Variants in SAV1 observed in about 807,000 individuals in gnomAD.
The protein encoded by SAV1 is salvador family WW domain containing protein 1.
In SAV1, 23 loss-of-function variants were observed where a neutral mutation model predicts 47.3. The ratio of observed to expected loss-of-function variants is 0.49; its 90% CI spans 0.35 to 0.69. SAV1 has a LOEUF of 0.69. Ranked by LOEUF, SAV1 falls within the 30% of genes least tolerant of loss-of-function variation. SAV1 has a pLI of 0.01. For missense variants in SAV1, 448 were observed against 457.4 expected, an observed-to-expected ratio of 0.98 and a Z score of 0.19; for synonymous variants, 155 against 159.2, an observed-to-expected ratio of 0.97 and a Z score of 0.20.
At chr14:50,642,687 T>C (rs1047282580) in intron 3 of SAV1, among the ~76,000 whole-genome samples, 1 of 151,752 alleles carries the variant, frequency 6.6e-6, no homozygotes, top group Non-Finnish European at 1.5e-5. Flanking sequence ...GAGAAAAAAA[T>C]GCATGTGTAT....
chr14:50,645,866 T>C (rs1171363062), intron 2 of SAV1, among the ~76,000 whole-genome samples: 1 of 152,158 alleles, frequency 6.6e-6, no homozygotes. Flanking sequence ...TTAATATTTA[T>C]ATATTAACAA....
At chr14:50,653,274 G>C (rs1359102580) in intron 2 of SAV1, among the ~76,000 whole-genome samples, 2 of 152,132 alleles carry the variant, frequency 1.3e-5, no homozygotes, top group Non-Finnish European at 2.9e-5. Context: ...AAAAATCCAT[G>C]AGTTCATGGT....
Position 50,662,159 on chromosome 14 carries a change from GTTATTTAT to G in SAV1, c.535+3012_535+3019del, listed in dbSNP as rs71443105. On this transcript the variant is annotated intron_variant, in intron 2 of 4. Transcript: ENST00000324679. ...TCTTTCATCAGTGTTTTGAAATCTT[GTTATTTAT>G]TTATTTATTTATTTATTTTGAGACG... Among the ~76,000 whole-genome samples, 1,345 of 150,554 alleles carry G rather than the reference GTTATTTAT, an allele frequency of 8.9e-3. 15 individuals are homozygous for G. Among genetic ancestry groups the G allele is most frequent in the African/African-American group, 0.031 (1,255 of 40,930 alleles).
Position 50,641,947 on chromosome 14 carries a change from C to T in SAV1, c.807-1054G>A, listed in dbSNP as rs917826453. ...AGCACTATTCACAATAGCAAAGATA[C>T]GGTATCAACCTAAATGCCCATCAAT... On this transcript the variant is annotated intron_variant, in intron 3 of 4. Coordinates refer to ENST00000324679, the MANE Select transcript of SAV1 (RefSeq NM_021818.4). Among the ~76,000 whole-genome samples, 10 of 152,046 alleles carry T rather than the reference C, an allele frequency of 6.6e-5. No individual in the cohort carries two copies. The South Asian group carries it at 1.9e-3, about 28-fold the overall frequency.
At chr14:50,657,382 T>C (rs1458718813) in intron 2 of SAV1, among the ~76,000 whole-genome samples, 1 of 152,158 alleles carries the variant, frequency 6.6e-6, no homozygotes, top group Admixed American at 6.5e-5. Context: ...ATATGTCTTA[T>C]TTCATAGCCA....
At chr14:50,642,492 A>G (rs1032029229) in intron 3 of SAV1, among the ~76,000 whole-genome samples, 18 of 117,762 alleles carry the variant, frequency 1.5e-4, no homozygotes, top group African/African-American at 5.0e-4. Flanking sequence ...TCCGTCTCAG[A>G]AAAAAAAAAA....
chr14:50,650,056 G>T (rs1346873774), intron 2 of SAV1, among the ~76,000 whole-genome samples: 3 of 152,194 alleles, frequency 2.0e-5, no homozygotes, highest in African/African-American at 2.4e-5. Context: ...AGTGACAAAA[G>T]GTAATTTAGA....
chr14:50,662,143 A>C (rs1458810879), intron 2 of SAV1, among the ~76,000 whole-genome samples: 1 of 149,082 alleles, frequency 6.7e-6, no homozygotes, highest in Non-Finnish European at 1.5e-5. Flanking sequence ...TTCTTTCATC[A>C]GTGTTTTGAA....
At chr14:50,643,267 A>G (rs938159232) in intron 3 of SAV1, among the ~76,000 whole-genome samples, 1 of 152,208 alleles carries the variant, frequency 6.6e-6, no homozygotes, top group East Asian at 1.9e-4. Flanking sequence ...TATTTTCACA[A>G]TGTTATAAAG....
Position 50,644,818 on chromosome 14 carries a change from C to G in SAV1, c.732G>C (p.Glu244Asp). The G allele has an allele frequency of 6.2e-7, 1 of 1,614,136 alleles. No individual in the cohort carries two copies. Among genetic ancestry groups the G allele is most frequent in the South Asian group, 1.1e-5 (1 of 91,086 alleles). Residue 244 changes from glutamate to aspartate, a missense_variant, in exon 3 of 5, where the codon GAG (glutamate) becomes GAC (aspartate). Coordinates refer to ENST00000324679, the MANE Select transcript of SAV1 (RefSeq NM_021818.4). Reference sequence around the variant, plus strand: ...CATAATAGGTTCCAAATTCGGATGACTCAACTCGTTCCCATCCAGGAGGAA... The same window carrying G: ...CATAATAGGTTCCAAATTCGGATGAGTCAACTCGTTCCCATCCAGGAGGAA... ...EGLPPGWERVESSEFGTYYVD... is the reference protein window; with the variant it reads ...EGLPPGWERVDSSEFGTYYVD...
chr14:50,644,166 G>C (rs568035676), intron 3 of SAV1, among the ~76,000 whole-genome samples: 23 of 152,302 alleles, frequency 1.5e-4, no homozygotes, highest in South Asian at 1.4e-3. Context: ...CTGGCTATCA[G>C]GCAGCACAGG....
At chr14:50,647,242 T>G (rs947900077) in intron 2 of SAV1, among the ~76,000 whole-genome samples, 2 of 152,172 alleles carry the variant, frequency 1.3e-5, no homozygotes, top group East Asian at 1.9e-4. Context: ...AAAATACTGA[T>G]TAAATTGAAC....
At chr14:50,646,685 CAAAAAAAAAAA>C (rs78772724) in intron 2 of SAV1, among the ~76,000 whole-genome samples, 4 of 76,320 alleles carry the variant, frequency 5.2e-5, no homozygotes. Context: ...AACTCTGTCT[CAAAAAAAAAAA>C]AAAAAAAAAA....
chr14:50,658,633 A>G (rs2039832666), intron 2 of SAV1, among the ~76,000 whole-genome samples: 1 of 152,218 alleles, frequency 6.6e-6, no homozygotes, highest in Non-Finnish European at 1.5e-5. Flanking sequence ...ATTGCCATTA[A>G]GTCATTACAA....
intron 2 of SAV1, among the ~76,000 whole-genome samples, chr14:50,645,292 C>T (rs2039712942): frequency 6.6e-6 from 1 of 152,026 alleles, no homozygotes; most frequent in Non-Finnish European, 1.5e-5. Context: ...GTTGAGCATC[C>T]CTAATCCAAA....
At position 50,659,014 on chromosome 14, in the gene SAV1, TTAA is replaced by T. The variant is rs2039835977; in HGVS notation, c.535+6162_535+6164del. Among the ~76,000 whole-genome samples the T allele has an allele frequency of 3.9e-5, 6 of 152,008 alleles. No individual in the cohort carries two copies. In the South Asian group the frequency reaches 1.2e-3, roughly 32 times the overall value. The stretch of plus-strand genomic sequence containing the variant: ...TAAATCTATATTGCCCTGATAAAAA[TTAA>T]TCTTATCAAATGAAGTCTCTCAAGC... On this transcript the variant is annotated intron_variant, in intron 2 of 4. Transcript: ENST00000324679.
Position 50,634,541 on chromosome 14 carries a change from G to T in SAV1, c.*642C>A. On this transcript the variant is annotated 3_prime_UTR_variant, in exon 5 of 5. Transcript: ENST00000324679. ...TTTTTTTGTATTTTTTGTAGAGATG[G>T]GGCTTCACCATGTTGCCCAGGCTGG... is the stretch of plus-strand genomic sequence containing the variant. 1 of 119,422 alleles carries T rather than the reference G, an allele frequency of 8.4e-6. No homozygotes were observed. The highest frequency in any genetic ancestry group is 2.0e-5 in the Non-Finnish European group (1 of 49,592). 7.4% of individuals were successfully genotyped at this position (119,422 alleles called of 1,614,324 possible).
chr14:50,634,385 T>C lies in SAV1; in HGVS notation c.*798A>G, dbSNP rs1345953511. The stretch of plus-strand genomic sequence containing the variant: ...TTTTTTGAGACAAGGTCTGGCTCTC[T>C]CTCTCTCAGGCTGCAGTGCAAGTGG... On this transcript the variant is annotated 3_prime_UTR_variant, in exon 5 of 5. Coordinates refer to ENST00000324679, the MANE Select transcript of SAV1 (RefSeq NM_021818.4). 3.5e-6 allele frequency: 1 copy of C among 287,692 alleles called. No individual in the cohort carries two copies. Among genetic ancestry groups the C allele is most frequent in the Admixed American group, 4.0e-5 (1 of 24,704 alleles). 17.8% of individuals were successfully genotyped at this position (287,692 alleles called of 1,614,324 possible). A position where few individuals can be genotyped will look rare whatever the true frequency, so the allele number is the denominator to read the frequency against.
At chr14:50,642,140 G>A (rs928952058) in intron 3 of SAV1, among the ~76,000 whole-genome samples, 2 of 152,098 alleles carry the variant, frequency 1.3e-5, no homozygotes, top group Non-Finnish European at 2.9e-5. Flanking sequence ...TGATAGGTAG[G>A]AGCTAAACAC....
Sources: allele counts gnomAD v4.1 joint callset (sites outside exome capture counted in the v4.1 genomes callset), GRCh38; gene constraint gnomAD v4.1.1; transcripts MANE v1.5; gene names NCBI Gene and HGNC (gene_info 2026-07-23, HGNC 2026-07-21).